Variants in TMEM116 observed in about 807,000 individuals in gnomAD.
The protein encoded by TMEM116 is transmembrane protein 116.
A neutral mutation model predicts 44.3 loss-of-function variants in TMEM116; 38 were observed. The observed-to-expected ratio is 0.86, with a 90% CI of 0.66 to 1.12. The LOEUF (loss-of-function observed/expected upper bound fraction) is 1.12. TMEM116 is among the 50% of genes most tolerant of loss of function. The pLI is 0.00. For missense variants in TMEM116, 354 were observed against 401.7 expected (o/e 0.88, Z 1.01); for synonymous variants, 132 against 144.8 (o/e 0.91, Z 0.64).
intron 5 of TMEM116, among the ~76,000 whole-genome samples, chr12:111,942,088 G>A (rs1479199076): frequency 6.6e-5 from 10 of 151,848 alleles, no homozygotes; most frequent in South Asian, 4.2e-4. Context: ...ACAGGCATGC[G>A]CCACCATGCC....
intron 1 of TMEM116, among the ~76,000 whole-genome samples, chr12:112,008,353 C>T (rs1415080009): frequency 1.3e-5 from 2 of 151,834 alleles, no homozygotes; most frequent in Admixed American, 6.6e-5. Flanking sequence ...TGGTGGCGGG[C>T]GCCTGTAATC....
intron 4 of TMEM116, among the ~76,000 whole-genome samples, chr12:111,974,557 C>T (rs2075554582): frequency 6.6e-6 from 1 of 151,198 alleles, no homozygotes; most frequent in African/African-American, 2.4e-5. Context: ...ACTAGGGAGG[C>T]TGAGGTGGGA....
Position 111,933,867 on chromosome 12 carries a change from C to A in TMEM116, c.733+19G>T. On this transcript the variant is annotated intron_variant, in intron 9 of 10. Transcript: ENST00000552374. ...TAACTGCCCTCTTCACTGCCCATCTCTTCTTGTTAAGTACCTACCTGGGCC... is the reference window on the plus strand; with the variant it reads ...TAACTGCCCTCTTCACTGCCCATCTATTCTTGTTAAGTACCTACCTGGGCC... The A allele has an allele frequency of 6.2e-7, 1 of 1,613,386 alleles. No individual in the cohort carries two copies. Among genetic ancestry groups the A allele is most frequent in the South Asian group, 1.1e-5 (1 of 90,994 alleles).
chr12:111,936,556 G>A (rs2072177545), intron 8 of TMEM116, 136 bp downstream of exon 8: 1 of 875,108 alleles, frequency 1.1e-6, no homozygotes, highest in African/African-American at 1.7e-5. Flanking sequence ...ATATTGTCAA[G>A]ATCTCCTAGC....
At chr12:112,008,628 CTTTG>C (rs773296772) in intron 1 of TMEM116, among the ~76,000 whole-genome samples, 7 of 152,086 alleles carry the variant, frequency 4.6e-5, no homozygotes, top group Non-Finnish European at 1.0e-4. Flanking sequence ...AGACACTTGC[CTTTG>C]TAAAATATTT....
chr12:112,008,251 G>A (rs2077679483), intron 1 of TMEM116, among the ~76,000 whole-genome samples: 1 of 152,160 alleles, frequency 6.6e-6, no homozygotes, highest in South Asian at 2.1e-4. Flanking sequence ...CGGAGGCCGA[G>A]GCGTGTGGAT....
intron 1 of TMEM116, among the ~76,000 whole-genome samples, chr12:112,007,636 C>A (rs1236860596): frequency 6.6e-6 from 1 of 152,172 alleles, no homozygotes; most frequent in African/African-American, 2.4e-5. Context: ...ACTCATACAT[C>A]TTACCTAATA....
chr12:111,956,376 C>T (rs1027663949), intron 4 of TMEM116, among the ~76,000 whole-genome samples: 2 of 152,166 alleles, frequency 1.3e-5, no homozygotes, highest in South Asian at 2.1e-4. Flanking sequence ...CTGGAAAGCA[C>T]ATTAAAAAGC....
At chr12:112,009,562 G>A (rs937957990) in intron 1 of TMEM116, among the ~76,000 whole-genome samples, 2 of 151,220 alleles carry the variant, frequency 1.3e-5, no homozygotes, top group Non-Finnish European at 2.9e-5. Context: ...AAAATGCTGG[G>A]TGCAGTGGGT....
At chr12:111,945,091 A>G (rs2136285070) in intron 4 of TMEM116, among the ~76,000 whole-genome samples, 1 of 151,110 alleles carries the variant, frequency 6.6e-6, no homozygotes, top group South Asian at 2.1e-4. Flanking sequence ...AAAAAAAAAA[A>G]AAAAGCAAGC....
chr12:111,943,919 G>C (rs1415457073), intron 4 of TMEM116, among the ~76,000 whole-genome samples: 2 of 152,008 alleles, frequency 1.3e-5, no homozygotes, highest in Non-Finnish European at 2.9e-5. Context: ...AAGAACCACA[G>C]CATTATCCAC....
chr12:111,963,556 A>G (rs1316128658), intron 4 of TMEM116, among the ~76,000 whole-genome samples: 1 of 152,212 alleles, frequency 6.6e-6, no homozygotes, highest in Non-Finnish European at 1.5e-5. Context: ...CATCATTCCC[A>G]GCAACTAACA....
intron 4 of TMEM116, among the ~76,000 whole-genome samples, chr12:111,952,251 C>A (rs1295663406): frequency 1.3e-5 from 2 of 151,916 alleles, no homozygotes; most frequent in South Asian, 2.1e-4. Context: ...ACAAAAAAAA[C>A]ACACACACAA....
intron 4 of TMEM116, among the ~76,000 whole-genome samples, chr12:111,958,104 C>G (rs536113511): frequency 6.6e-6 from 1 of 151,708 alleles, no homozygotes; most frequent in Admixed American, 6.6e-5. Flanking sequence ...TCACCACTCC[C>G]TAATCTCAAC....
At chr12:111,950,142 A>C (rs1311458616) in intron 4 of TMEM116, among the ~76,000 whole-genome samples, 1 of 151,690 alleles carries the variant, frequency 6.6e-6, no homozygotes, top group Non-Finnish European at 1.5e-5. Context: ...AAAACAAAAC[A>C]AAAAAAACAA....
chr12:111,950,246 T>TA (rs2073616149), intron 4 of TMEM116, among the ~76,000 whole-genome samples: 1 of 152,140 alleles, frequency 6.6e-6, no homozygotes, highest in African/African-American at 2.4e-5. Flanking sequence ...CCCAATGCCA[T>TA]AACCAGAGAC....
At chr12:111,942,188 T>G (rs1045818625) in intron 5 of TMEM116, among the ~76,000 whole-genome samples, 1 of 152,218 alleles carries the variant, frequency 6.6e-6, no homozygotes, top group Non-Finnish European at 1.5e-5. Flanking sequence ...TCCACCCATC[T>G]TGGCTTCCCA....
chr12:111,969,745 A>AT (rs984297026), intron 4 of TMEM116, among the ~76,000 whole-genome samples: 44 of 151,206 alleles, frequency 2.9e-4, no homozygotes, highest in African/African-American at 1.1e-3. Context: ...GCCCGGCTAA[A>AT]TTTTTTTGTA....
Position 111,936,691 on chromosome 12 carries a change from C to G in TMEM116, c.588+1G>C. The G allele has an allele frequency of 1.2e-6, 2 of 1,613,504 alleles. No homozygotes were observed. Among genetic ancestry groups the G allele is most frequent in the South Asian group, 2.2e-5 (2 of 90,998 alleles). On this transcript the variant is annotated splice_donor_variant, in intron 8 of 10. Transcript: ENST00000552374. LOFTEE classifies it high-confidence loss of function. ...CAAAGGAAGGTAGGGTGGTACCATACCATAATGGTAAGGAGGCTGAGTACA... is the reference window on the plus strand; with the variant it reads ...CAAAGGAAGGTAGGGTGGTACCATAGCATAATGGTAAGGAGGCTGAGTACA...
Sources: allele counts gnomAD v4.1 joint callset (sites outside exome capture counted in the v4.1 genomes callset), GRCh38; gene constraint gnomAD v4.1.1; transcripts MANE v1.5; gene names NCBI Gene and HGNC (gene_info 2026-07-23, HGNC 2026-07-21).